The following IFT74 variants were observed in gnomAD, a reference collection of about 807,000 sequenced individuals.
IFT74 encodes intraflagellar transport 74.
A neutral mutation model predicts 96.7 loss-of-function variants in IFT74; 92 were observed. The ratio of observed to expected loss-of-function variants is 0.95; its 90% CI spans 0.80 to 1.13. IFT74 has a LOEUF of 1.13. Ranked by LOEUF, IFT74 falls within the 50% of genes most tolerant of loss-of-function variation. The pLI is 0.00. For synonymous variants in IFT74, 223 were observed against 213.2 expected, an observed-to-expected ratio of 1.05 and a Z score of -0.40; for missense variants, 811 against 698.2, an observed-to-expected ratio of 1.16 and a Z score of -1.82.
intron 2 of IFT74, among the ~76,000 whole-genome samples, chr9:26,971,226 T>C (rs556753064): frequency 6.6e-6 from 1 of 152,330 alleles, no homozygotes; most frequent in South Asian, 2.1e-4. Context: ...GTGTAGTTAA[T>C]TTTAACACTT....
intron 16 of IFT74, 58 bp downstream of exon 16, chr9:27,048,332 C>A (rs1819782417): frequency 1.7e-6 from 2 of 1,178,794 alleles, no homozygotes; most frequent in African/African-American, 1.6e-5. Flanking sequence ...CAATGTTATT[C>A]TCTGATTATT....
intron 8 of IFT74, among the ~76,000 whole-genome samples, chr9:26,991,887 G>C (rs1827895164): frequency 6.6e-6 from 1 of 151,966 alleles, no homozygotes; most frequent in Non-Finnish European, 1.5e-5. Flanking sequence ...AAATTAGCTG[G>C]GCATGGTGGC....
At chr9:26,974,298 G>A (rs976666841) in intron 2 of IFT74, among the ~76,000 whole-genome samples, 6 of 152,044 alleles carry the variant, frequency 3.9e-5, no homozygotes, top group East Asian at 1.9e-4. Flanking sequence ...TTTACTTAGC[G>A]GTCGGTCTTC....
chr9:26,955,145 A>G (rs1307861907), upstream of IFT74, among the ~76,000 whole-genome samples: 1 of 152,156 alleles, frequency 6.6e-6, no homozygotes, highest in Non-Finnish European at 1.5e-5. Context: ...AATGATATAA[A>G]AGCTGAAAAT....
At chr9:27,020,316 A>G (rs1829538904) in intron 12 of IFT74, among the ~76,000 whole-genome samples, 1 of 152,092 alleles carries the variant, frequency 6.6e-6, no homozygotes, top group Non-Finnish European at 1.5e-5. Flanking sequence ...AGCCCGTGTC[A>G]AGTGTTTTGC....
At position 27,035,013 on chromosome 9, in the gene IFT74, G is replaced by A. The variant is rs111765554; in HGVS notation, c.1054+5909G>A. ...TAGGGTTATTGTGAGAATTAGATTA[G>A]ATAATTAAATAAACTTAATTATTAA... On this transcript the variant is annotated intron_variant, in intron 13 of 19. Transcript: ENST00000380062. Among the ~76,000 whole-genome samples, 1,511 of 152,260 alleles carry A rather than the reference G, an allele frequency of 9.9e-3. 31 individuals are homozygous for A. The highest frequency in any genetic ancestry group is 0.035 in the African/African-American group (1,441 of 41,556).
chr9:27,008,994 G>A (rs1828922045), intron 8 of IFT74, 26 bp from the exon 9 acceptor site: 2 of 1,588,638 alleles, frequency 1.3e-6, no homozygotes, highest in Admixed American at 1.7e-5. Context: ...TATAGTATCA[G>A]GAATATTACG....
chr9:26,974,376 A>T (rs1313516774), intron 2 of IFT74, among the ~76,000 whole-genome samples: 1 of 152,158 alleles, frequency 6.6e-6, no homozygotes, highest in Non-Finnish European at 1.5e-5. Context: ...ATGGAGCTTA[A>T]ACATACCCGG....
intron 16 of IFT74, among the ~76,000 whole-genome samples, chr9:27,048,798 C>T (rs1223448492): frequency 6.6e-6 from 1 of 152,164 alleles, no homozygotes; most frequent in Non-Finnish European, 1.5e-5. Flanking sequence ...CCTAACTTTC[C>T]TGATAATCAC....
chr9:26,985,920 C>T (rs1827611702), intron 6 of IFT74, among the ~76,000 whole-genome samples: 1 of 152,102 alleles, frequency 6.6e-6, no homozygotes, highest in African/African-American at 2.4e-5. Context: ...GAGTATATAA[C>T]ATGATATAGT....
At chr9:26,974,782 T>C (rs1827031738) in intron 2 of IFT74, among the ~76,000 whole-genome samples, 1 of 152,136 alleles carries the variant, frequency 6.6e-6, no homozygotes, top group African/African-American at 2.4e-5. Context: ...TAAGAATTGA[T>C]CAACTTAATC....
In IFT74 at chr9:26,997,144, G is replaced by A. The variant is rs552403315; in HGVS notation, c.587+6949G>A. ...GGAGAATCACTTGAACCTGGGAGGCGGAGGTTGTGGTGAGCTGAGATCACG... is the reference window on the plus strand; with the variant it reads ...GGAGAATCACTTGAACCTGGGAGGCAGAGGTTGTGGTGAGCTGAGATCACG... On this transcript the variant is annotated intron_variant, in intron 8 of 19. Coordinates refer to ENST00000380062, the MANE Select transcript of IFT74 (RefSeq NM_025103.4). Among the ~76,000 whole-genome samples the A allele has an allele frequency of 1.7e-4, 26 of 151,598 alleles. No individual in the cohort carries two copies. In the South Asian group the frequency reaches 5.5e-3, roughly 32 times the overall value.
chr9:26,948,448 ATTTTTTTTTTTTTTTTTTTTTTTTTTT>A (rs71841244), intron 1 of IFT74, among the ~76,000 whole-genome samples: 1 of 59,162 alleles, frequency 1.7e-5, no homozygotes, highest in South Asian at 6.1e-4. Context: ...GCTTTCCATT[ATTTTTTTTTTTTTTTTTTTTTTTTTTT>A]TTTTTTTTTT....
At chr9:27,007,768 AAG>A (rs1413985276) in intron 8 of IFT74, among the ~76,000 whole-genome samples, 13 of 152,230 alleles carry the variant, frequency 8.5e-5, no homozygotes, top group Non-Finnish European at 1.8e-4. Flanking sequence ...CTATGAGCGA[AAG>A]AGAGTAAATA....
chr9:27,020,445 G>A (rs891303612), intron 12 of IFT74, among the ~76,000 whole-genome samples: 1 of 148,762 alleles, frequency 6.7e-6, no homozygotes, highest in Non-Finnish European at 1.5e-5. Flanking sequence ...ATTTAAAGCA[G>A]CTTTATTTTA....
intron 8 of IFT74, chr9:26,993,594 C>T (rs965802721): frequency 3.9e-5 from 6 of 152,400 alleles, no homozygotes; most frequent in South Asian, 2.1e-4. Flanking sequence ...TAGATTATGA[C>T]ATAGATCTAT....
At chr9:27,010,484 T>TG (rs1829004360) in intron 9 of IFT74, among the ~76,000 whole-genome samples, 1 of 139,250 alleles carries the variant, frequency 7.2e-6, no homozygotes, top group African/African-American at 2.8e-5. Context: ...CCCTTTTTTT[T>TG]GTTTTTTTTT....
chr9:27,025,047 G>T (rs1421344844), intron 12 of IFT74, among the ~76,000 whole-genome samples: 1 of 151,802 alleles, frequency 6.6e-6, no homozygotes, highest in East Asian at 1.9e-4. Context: ...AGAATAATGG[G>T]TGTTCCTGAG....
intron 2 of IFT74, among the ~76,000 whole-genome samples, chr9:26,976,161 T>C (rs1827115486): frequency 6.6e-6 from 1 of 152,068 alleles, no homozygotes; most frequent in Admixed American, 6.5e-5. Context: ...GGTCTCAGTC[T>C]CCCATCCCTG....
Sources: gnomAD v4.1 joint callset for allele counts (sites outside exome capture counted in the v4.1 genomes callset) on GRCh38, gnomAD v4.1.1 for gene constraint, MANE v1.5 for transcripts, NCBI Gene and HGNC (gene_info 2026-07-23, HGNC 2026-07-21) for gene names.